The following DENND4A variants were observed in gnomAD, a reference collection of about 807,000 sequenced individuals.
DENND4A encodes the protein C-myc promoter-binding protein.
In DENND4A, 70 loss-of-function variants were observed where a neutral mutation model predicts 199.3. The observed-to-expected ratio is 0.35, with a 90% CI of 0.29 to 0.43. The LOEUF (loss-of-function observed/expected upper bound fraction) is 0.43, where lower values mean the gene tolerates loss of function less well. DENND4A is among the 20% of genes least tolerant of loss of function. The pLI is 1.00. For synonymous variants in DENND4A, 686 were observed against 766.9 expected, an observed-to-expected ratio of 0.89 and a Z score of 1.74; for missense variants, 1,723 against 2,255.8, an observed-to-expected ratio of 0.76 and a Z score of 4.78.
chr15:65,722,846 A>G lies in DENND4A; in HGVS notation c.1588+2T>C. 1 of 1,589,368 alleles carries G rather than the reference A, an allele frequency of 6.3e-7. No individual in the cohort carries two copies. The highest frequency in any genetic ancestry group is 8.6e-7 in the Non-Finnish European group (1 of 1,169,140). On this transcript the variant is annotated splice_donor_variant, in intron 12 of 32. Coordinates refer to ENST00000443035, the MANE Select transcript of DENND4A (RefSeq NM_001320835.1). LOFTEE classifies it high-confidence loss of function. ...CCTCCTTTAATTAAGTTATCCACTT[A>G]CATTTTGCCAATTGCTGATGCAAAT...
chr15:65,671,966 T>C (rs539979924), intron 24 of DENND4A, 80 bp from the exon 25 acceptor site: 2 of 862,026 alleles, frequency 2.3e-6, no homozygotes, highest in East Asian at 4.8e-5. Flanking sequence ...CTTCCATAAG[T>C]TCTCAGATAA....
At chr15:65,753,785 T>C (rs1221533183) in intron 3 of DENND4A, 1 of 151,856 alleles carries the variant, frequency 6.6e-6, no homozygotes, top group Non-Finnish European at 1.5e-5. Flanking sequence ...AAATCCACTA[T>C]ACAAATAAAA....
intron 1 of DENND4A, among the ~76,000 whole-genome samples, chr15:65,778,363 T>C (rs2077339223): frequency 6.9e-6 from 1 of 145,854 alleles, no homozygotes; most frequent in East Asian, 2.0e-4. Flanking sequence ...CACTGTATAG[T>C]TTCCCCCACC....
intron 14 of DENND4A, among the ~76,000 whole-genome samples, chr15:65,706,447 AACACACACACACACACAC>A (rs77421887): frequency 6.8e-4 from 88 of 130,324 alleles, no homozygotes; most frequent in Middle Eastern, 3.8e-3. Context: ...AGGGGAAAAT[AACACACACACACACACAC>A]ACACACACAC....
In DENND4A at chr15:65,682,870, G is replaced by A. The variant is rs372859645; in HGVS notation, c.4180-6236C>T. ...CCTGAGGAGAGGGAGAGAGTCAGGA[G>A]AATGGCCATTTGGTGGACAGTCAGA... On this transcript the variant is annotated intron_variant, in intron 23 of 32. Coordinates refer to ENST00000443035, the MANE Select transcript of DENND4A (RefSeq NM_001320835.1). Among the ~76,000 whole-genome samples, 12 of 152,290 alleles carry A rather than the reference G, an allele frequency of 7.9e-5. No homozygotes were observed. In the East Asian group the frequency reaches 1.9e-3, roughly 25 times the overall value.
chr15:65,731,419 G>GT, intron 9 of DENND4A: 1 of 557,466 alleles, frequency 1.8e-6, no homozygotes, highest in Non-Finnish European at 3.4e-6. Flanking sequence ...ACAATAGTAG[G>GT]TATTTGATGA....
chr15:65,769,658 C>A (rs879413530), intron 1 of DENND4A, among the ~76,000 whole-genome samples: 20 of 151,856 alleles, frequency 1.3e-4, no homozygotes, highest in Non-Finnish European at 2.9e-4. Flanking sequence ...GTTTGCTTAT[C>A]TTTTGTTTAT....
chr15:65,672,027 T>C (rs1480249871), intron 24 of DENND4A, 141 bp from the exon 25 acceptor site: 3 of 625,942 alleles, frequency 4.8e-6, no homozygotes, highest in East Asian at 5.5e-5. Context: ...GAAAAACAAA[T>C]AAATAATGAA....
intron 1 of DENND4A, among the ~76,000 whole-genome samples, chr15:65,791,326 T>C (rs1817607855): frequency 6.6e-6 from 1 of 152,200 alleles, no homozygotes; most frequent in Non-Finnish European, 1.5e-5. Context: ...AAAAGCACGA[T>C]AATGAAAAGC....
At chr15:65,665,254 T>C in intron 30 of DENND4A, 91 bp downstream of exon 30, 1 of 952,588 alleles carries the variant, frequency 1.0e-6, no homozygotes. Flanking sequence ...TACAGTAAAA[T>C]AAAAGTCAGT....
chr15:65,670,030 A>C lies in DENND4A; in HGVS notation c.4623T>G (p.Asp1541Glu), dbSNP rs1173166080. Residue 1541 changes from aspartate to glutamate, a missense_variant, in exon 26 of 33, where the codon GAT becomes GAG. Transcript: ENST00000443035. ...FLPFLNIEIR[D>E]LRRPGRYFLK... Reference sequence around the variant, plus strand: ...ATCATTACCTTCCAGGTCGTCTTAAATCTCTTATTTCTATATTCAGAAAGG... The same window carrying C: ...ATCATTACCTTCCAGGTCGTCTTAACTCTCTTATTTCTATATTCAGAAAGG... The C allele has an allele frequency of 1.9e-6, 3 of 1,593,182 alleles. No individual in the cohort carries two copies. The highest frequency in any genetic ancestry group is 1.4e-5 in the African/African-American group (1 of 73,902).
intron 14 of DENND4A, among the ~76,000 whole-genome samples, chr15:65,710,925 C>T (rs189856165): frequency 2.8e-4 from 43 of 152,310 alleles, no homozygotes; most frequent in African/African-American, 9.6e-4. Context: ...AGTGGCTCCC[C>T]GTGGCTTTCT....
At chr15:65,678,066 T>A (rs1324070001) in intron 23 of DENND4A, among the ~76,000 whole-genome samples, 1 of 152,018 alleles carries the variant, frequency 6.6e-6, no homozygotes, top group Non-Finnish European at 1.5e-5. Context: ...TAGCTGGGAT[T>A]ACAGGCGCCC....
At chr15:65,716,328 T>C (rs371758279) in intron 13 of DENND4A, among the ~76,000 whole-genome samples, 2 of 151,676 alleles carry the variant, frequency 1.3e-5, no homozygotes, top group Non-Finnish European at 2.9e-5. Context: ...ATGTGCCATG[T>C]TGGTGTGCTG....
At chr15:65,772,261 T>C (rs1454332266) in intron 1 of DENND4A, 3 of 553,944 alleles carry the variant, frequency 5.4e-6, no homozygotes, top group Non-Finnish European at 9.6e-6. Flanking sequence ...TTCACTCATC[T>C]GACAAATATT....
chr15:65,716,868 TA>T (rs1454751780), intron 13 of DENND4A, among the ~76,000 whole-genome samples: 1 of 152,046 alleles, frequency 6.6e-6, no homozygotes, highest in Non-Finnish European at 1.5e-5. Flanking sequence ...ACCAACAGTG[TA>T]AAAGTGTTCC....
intron 12 of DENND4A, among the ~76,000 whole-genome samples, chr15:65,718,722 G>GC (rs1322106591): frequency 2.1e-5 from 3 of 143,658 alleles, no homozygotes; most frequent in African/African-American, 7.8e-5. Context: ...TTCAAAAACT[G>GC]CCCCCCTTTC....
rs949761174 is a variant in DENND4A, at chr15:65,691,527, A to T, written c.3083-16T>A. On this transcript the variant is annotated splice_polypyrimidine_tract_variant and intron_variant, in intron 22 of 32. Coordinates refer to ENST00000443035, the MANE Select transcript of DENND4A (RefSeq NM_001320835.1). ...GGTGTGCTTTCTGAAAAACAAGTAA[A>T]GTGCTTTTAGCCATGAAAATATAAT... 4 of 1,545,554 alleles carry T rather than the reference A, an allele frequency of 2.6e-6. No individual in the cohort carries two copies. In the African/African-American group the frequency reaches 4.1e-5, roughly 16 times the overall value.
chr15:65,762,991 G>T (rs1252945330), intron 1 of DENND4A, among the ~76,000 whole-genome samples: 5 of 152,110 alleles, frequency 3.3e-5, no homozygotes, highest in Non-Finnish European at 5.9e-5. Flanking sequence ...AATTCAATAT[G>T]CCAGTATCTT....
Sources: allele counts gnomAD v4.1 joint callset (sites outside exome capture counted in the v4.1 genomes callset), GRCh38; gene constraint gnomAD v4.1.1; transcripts MANE v1.5; gene names NCBI Gene and HGNC (gene_info 2026-07-23, HGNC 2026-07-21).